Variants in ADCY2 observed in about 807,000 individuals in gnomAD.
ADCY2 encodes adenylate cyclase type 2.
In ADCY2, 31 loss-of-function variants were observed where a neutral mutation model predicts 125.2. The ratio of observed to expected loss-of-function variants is 0.25; its 90% CI spans 0.19 to 0.33. The LOEUF is 0.33. Among genes scored for constraint, ADCY2 ranks in the 10% least tolerant of loss-of-function variants. The probability of loss-of-function intolerance (pLI) is 1.00; values close to 1 mark genes in which losing one functional copy is unlikely to be tolerated. For missense variants in ADCY2, 904 were observed against 1,418.2 expected (o/e 0.64, Z 5.82); for synonymous variants, 512 against 548.4 (o/e 0.93, Z 0.93).
intron 3 of ADCY2, chr5:7,522,578 G>C (rs893883987): frequency 1.8e-4 from 28 of 152,090 alleles, no homozygotes; most frequent in African/African-American, 6.3e-4. Flanking sequence ...TTCACATATG[G>C]GTCAGGGTGG....
At chr5:7,458,984 A>G (rs1306489619) in intron 2 of ADCY2, among the ~76,000 whole-genome samples, 1 of 152,092 alleles carries the variant, frequency 6.6e-6, no homozygotes, top group Non-Finnish European at 1.5e-5. Context: ...CTGTACAACC[A>G]CTTGCCCCAA....
Position 7,433,073 on chromosome 5 carries a change from C to A in ADCY2, c.408+18303C>A, listed in dbSNP as rs142246067. On this transcript the variant is annotated intron_variant, in intron 2 of 24. Coordinates refer to ENST00000338316, the MANE Select transcript of ADCY2 (RefSeq NM_020546.3). ...TGTTGTTCACATGGTAAACATGAAA[C>A]AAAACAAGGCTGAGATACAAAAGAG... Among the ~76,000 whole-genome samples, 869 of 152,170 alleles carry A rather than the reference C, an allele frequency of 5.7e-3. 6 individuals carry two copies. The highest frequency in any genetic ancestry group is 0.02 in the African/African-American group (813 of 41,504).
At chr5:7,704,074 C>T (rs4701790) in intron 7 of ADCY2, among the ~76,000 whole-genome samples, 23,763 of 151,496 alleles carry the variant, frequency 0.16, 2,200 homozygotes, top group Admixed American at 0.32. Flanking sequence ...CATCTCAGCA[C>T]GTTCCAGGAA....
At position 7,829,688 on chromosome 5, in the gene ADCY2, G is replaced by A. The variant is rs1460618278; in HGVS notation, c.*2817G>A. 1 of 152,330 alleles carries A rather than the reference G, an allele frequency of 6.6e-6. No individual in the cohort carries two copies. The highest frequency in any genetic ancestry group is 1.5e-5 in the Non-Finnish European group (1 of 68,072). The allele number at this position is 152,330 out of a possible 1,614,324, so 9.4% of individuals were successfully genotyped here. A position where few individuals can be genotyped will look rare whatever the true frequency, so the allele number is the denominator to read the frequency against. On this transcript the variant is annotated 3_prime_UTR_variant, in exon 25 of 25. Coordinates refer to ENST00000338316, the MANE Select transcript of ADCY2 (RefSeq NM_020546.3). ...ATCTGTTTAGGAGTGTCTAAGTTTTGTCATCAATCCAGGATGTTATTCTTC... is the reference window on the plus strand; with the variant it reads ...ATCTGTTTAGGAGTGTCTAAGTTTTATCATCAATCCAGGATGTTATTCTTC...
chr5:7,485,568 G>A (rs930261443), intron 2 of ADCY2, among the ~76,000 whole-genome samples: 8 of 152,138 alleles, frequency 5.3e-5, no homozygotes, highest in African/African-American at 1.9e-4. Context: ...TCATGAAAAG[G>A]ATTTTGGTGA....
chr5:7,685,350 A>C (rs1007389722), intron 4 of ADCY2: 4 of 152,120 alleles, frequency 2.6e-5, no homozygotes, highest in African/African-American at 9.7e-5. Context: ...GAGGCCTTCA[A>C]CTCCTTAGCC....
At chr5:7,591,901 G>C (rs1382352458) in intron 3 of ADCY2, among the ~76,000 whole-genome samples, 1 of 152,160 alleles carries the variant, frequency 6.6e-6, no homozygotes, top group Non-Finnish European at 1.5e-5. Context: ...TGGCCATTTG[G>C]ATTTCCTTGT....
At position 7,707,698 on chromosome 5, in the gene ADCY2, A is replaced by T; in HGVS notation, c.1269-8A>T. 1.2e-6 allele frequency: 2 copies of T among 1,612,576 alleles called. No homozygotes were observed. The highest frequency in any genetic ancestry group is 1.7e-6 in the Non-Finnish European group (2 of 1,179,504). ...TGTCTTGACTGTGATTTTAAAATGC[A>T]ATTTCAGACGTGTTCACATTTCTTC... On this transcript the variant is annotated splice_polypyrimidine_tract_variant and splice_region_variant and intron_variant, in intron 8 of 24. Transcript: ENST00000338316.
chr5:7,626,970 C>T (rs75140318), intron 4 of ADCY2, among the ~76,000 whole-genome samples: 1,692 of 152,286 alleles, frequency 0.011, 35 homozygotes, highest in African/African-American at 0.039. Context: ...CAGCCAGATA[C>T]GCCAACCATC....
Position 7,396,503 on chromosome 5 carries a change from G to A in ADCY2, c.207G>A (p.Gly69=), listed in dbSNP as rs777320923. The part of the protein sequence containing the change: ...LALLAVFFAL[G]LEVEDHVAFL... Reference sequence around the variant, plus strand: ...TGCTCGCCGTCTTCTTCGCGCTCGGGCTGGTGAGTGGCCTCCCCGCGGGTC... The same window carrying A: ...TGCTCGCCGTCTTCTTCGCGCTCGGACTGGTGAGTGGCCTCCCCGCGGGTC... Residue 69 remains glycine (G), a synonymous_variant, in exon 1 of 25, where the codon GGG becomes GGA. Transcript: ENST00000338316. This position sits in a 1 kb window ranked among gnomAD's most constrained non-coding sequence, Gnocchi z 5.7. 6.4e-7 allele frequency: 1 copy of A among 1,561,092 alleles called. No individual in the cohort carries two copies. Among genetic ancestry groups the A allele is most frequent in the Non-Finnish European group, 8.7e-7 (1 of 1,154,574 alleles).
intron 3 of ADCY2, among the ~76,000 whole-genome samples, chr5:7,589,458 A>AAAAGAAAGAAAGAAAGAAAAGAAAG (rs1736748368): frequency 9.6e-5 from 7 of 73,010 alleles, no homozygotes; most frequent in African/African-American, 3.6e-4. Context: ...GAAGGAAAGA[A>AAAAGAAAGAAAGAAAGAAAAGAAAG]AAAGAAAGAA....
At chr5:7,738,081 A>G (rs1004690569) in intron 14 of ADCY2, among the ~76,000 whole-genome samples, 2 of 152,194 alleles carry the variant, frequency 1.3e-5, no homozygotes, top group Admixed American at 6.5e-5. Context: ...AAAGGAATCT[A>G]AGGAAGGAAT....
intron 3 of ADCY2, among the ~76,000 whole-genome samples, chr5:7,571,440 C>A (rs1321262352): frequency 6.6e-6 from 1 of 152,084 alleles, no homozygotes; most frequent in Non-Finnish European, 1.5e-5. Flanking sequence ...TCTGTTTGGA[C>A]CCTCAGTGGA....
intron 2 of ADCY2, among the ~76,000 whole-genome samples, chr5:7,425,096 C>T (rs537850382): frequency 8.5e-4 from 130 of 152,276 alleles, no homozygotes; most frequent in Non-Finnish European, 1.5e-3. Context: ...CTCACTGTCT[C>T]GAGAGCCCCA....
chr5:7,639,607 G>A (rs756092166), intron 4 of ADCY2, among the ~76,000 whole-genome samples: 9 of 152,138 alleles, frequency 5.9e-5, no homozygotes, highest in African/African-American at 7.2e-5. Context: ...AAATCTCTCC[G>A]TCTATCTTTT....
At chr5:7,737,817 A>T (rs1364918165) in intron 14 of ADCY2, among the ~76,000 whole-genome samples, 1 of 152,248 alleles carries the variant, frequency 6.6e-6, no homozygotes, top group African/African-American at 2.4e-5. Flanking sequence ...GACATTACAT[A>T]CAAGGGATCA....
At chr5:7,520,645 C>A in intron 2 of ADCY2, 93 bp from the exon 3 acceptor site, 2 of 1,379,674 alleles carry the variant, frequency 1.4e-6, no homozygotes, top group African/African-American at 1.4e-5. Flanking sequence ...ATGTCTCATG[C>A]TGTTCTATGC....
intron 3 of ADCY2, among the ~76,000 whole-genome samples, chr5:7,533,239 C>T (rs1326151936): frequency 6.6e-6 from 1 of 151,622 alleles, no homozygotes; most frequent in Non-Finnish European, 1.5e-5. Context: ...CATATAAATG[C>T]AGTCTCTTTC....
At chr5:7,564,731 A>T (rs570921249) in intron 3 of ADCY2, among the ~76,000 whole-genome samples, 2 of 152,290 alleles carry the variant, frequency 1.3e-5, no homozygotes, top group African/African-American at 4.8e-5. Flanking sequence ...CTTTGAGGAA[A>T]GGTACATTAT....
Sources: allele counts gnomAD v4.1 joint callset (sites outside exome capture counted in the v4.1 genomes callset), GRCh38; gene constraint gnomAD v4.1.1; non-coding constraint Gnocchi (gnomAD v3.1); transcripts MANE v1.5; gene names NCBI Gene and HGNC (gene_info 2026-07-23, HGNC 2026-07-21).